ZNF813: variants seen among roughly 807,000 people sequenced by gnomAD.
ZNF813 encodes the protein zinc finger protein 813.
ZNF813 carries 3 observed loss-of-function variants against 7.2 expected under a neutral mutation model. The observed-to-expected ratio is 0.42, with a 90% CI of 0.19 to 1.08. The LOEUF is 1.08. ZNF813 is among the 50% of genes least tolerant of loss of function. The pLI is 0.30. For missense variants in ZNF813, 714 were observed against 753.3 expected (o/e 0.95, Z 0.61); for synonymous variants, 227 against 256.3 (o/e 0.89, Z 1.09).
At chr19:53,485,892 G>A (rs547780823) in intron 2 of ZNF813, among the ~76,000 whole-genome samples, 65 of 151,454 alleles carry the variant, frequency 4.3e-4, no homozygotes, top group Non-Finnish European at 6.6e-4. Context: ...TTTTGTTTTC[G>A]TTTGTTTGTT....
At chr19:53,474,582 G>A (rs2086373772) in intron 1 of ZNF813, among the ~76,000 whole-genome samples, 2 of 152,192 alleles carry the variant, frequency 1.3e-5, no homozygotes, top group South Asian at 2.1e-4. Context: ...CCAGCTACTG[G>A]GGAGGCTGAG....
intron 3 of ZNF813, among the ~76,000 whole-genome samples, chr19:53,487,442 G>A (rs549114208): frequency 1.3e-4 from 19 of 151,980 alleles, no homozygotes; most frequent in African/African-American, 4.6e-4. Flanking sequence ...GTCTCACTCT[G>A]TCGCCAAGGC....
intron 1 of ZNF813, among the ~76,000 whole-genome samples, chr19:53,472,971 G>C (rs1452605246): frequency 1.3e-5 from 2 of 152,058 alleles, no homozygotes; most frequent in African/African-American, 4.8e-5. Context: ...TGGTGCAGTA[G>C]AGTCTTAGTT....
intron 3 of ZNF813, 72 bp from the exon 4 acceptor site, chr19:53,490,303 C>A: frequency 7.7e-7 from 1 of 1,306,180 alleles, no homozygotes; most frequent in Non-Finnish European, 1.1e-6. Flanking sequence ...TTTTTTGTGT[C>A]ACATTTACAC....
rs746904170 is a variant in ZNF813 at position 53,490,871 on chromosome 19, G to T, written c.639G>T (p.Lys213Asn). The T allele has an allele frequency of 1.2e-6, 2 of 1,614,206 alleles. No individual in the cohort carries two copies. The highest frequency in any genetic ancestry group is 1.7e-6 in the Non-Finnish European group (2 of 1,180,022). Reference protein sequence around the residue: ...TQKQEVHMREKSFQCNESGKA... With the variant: ...TQKQEVHMRENSFQCNESGKA... ...AACAGGAGGTACACATGAGAGAAAAGTCTTTCCAATGTAATGAGAGTGGCA... is the reference window on the plus strand; with the variant it reads ...AACAGGAGGTACACATGAGAGAAAATTCTTTCCAATGTAATGAGAGTGGCA... Residue 213 changes from lysine to asparagine, a missense_variant, in exon 4 of 4, where the codon AAG becomes AAT. This residue lies in a region of ZNF813 where 563 missense variants were observed against 554.2 expected (regional missense o/e 1.02). Coordinates refer to ENST00000396403, the MANE Select transcript of ZNF813 (RefSeq NM_001004301.4).
chr19:53,481,274 T>C (rs1341043259), intron 1 of ZNF813, among the ~76,000 whole-genome samples: 2 of 151,772 alleles, frequency 1.3e-5, no homozygotes, highest in African/African-American at 2.4e-5. Context: ...TTTTATATTA[T>C]GTCAGACTAG....
intron 1 of ZNF813, among the ~76,000 whole-genome samples, chr19:53,474,657 C>T (rs1360474393): frequency 6.6e-6 from 1 of 151,866 alleles, no homozygotes; most frequent in Non-Finnish European, 1.5e-5. Context: ...CCACTGCACT[C>T]CAGCCTGGGT....
chr19:53,491,824 T>G lies in ZNF813; in HGVS notation c.1592T>G (p.Val531Gly), dbSNP rs111582892. Residue 531 changes from valine to glycine, a missense_variant, in exon 4 of 4, where the codon GTT (valine) becomes GGT (glycine). Physicochemically the swap from Val to Gly is moderately radical, Grantham distance 109. Transcript: ENST00000396403. The stretch of plus-strand genomic sequence containing the variant: ...TACAAGTGTAATGAATGTGGCAAGG[T>G]TTTTAATCGAAAAACACACCTTGCA... ...KPYKCNECGK[V>G]FNRKTHLAHH... 2.9e-5 allele frequency: 46 copies of G among 1,611,030 alleles called. No individual in the cohort carries two copies. Among genetic ancestry groups the G allele is most frequent in the African/African-American group, 8.1e-5 (6 of 74,084 alleles).
intron 2 of ZNF813, among the ~76,000 whole-genome samples, chr19:53,485,587 T>TGTATGTCATGACATATAC (rs571848662): frequency 1.4e-5 from 2 of 139,816 alleles, no homozygotes; most frequent in Admixed American, 7.1e-5. Context: ...TGTCATGACA[T>TGTATGTCATGACATATAC]ATGTATGTCA....
chr19:53,482,722 T>TTG (rs1555843299), intron 1 of ZNF813, among the ~76,000 whole-genome samples: 3 of 64,798 alleles, frequency 4.6e-5, no homozygotes, highest in African/African-American at 9.6e-5. Context: ...GTTTTTTTTT[T>TTG]TTTTTTTTTT....
chr19:53,491,122 A>G lies in ZNF813; in HGVS notation c.890A>G (p.Lys297Arg). 1.9e-6 allele frequency: 3 copies of G among 1,614,154 alleles called. No individual in the cohort carries two copies. Among genetic ancestry groups the G allele is most frequent in the Non-Finnish European group, 2.5e-6 (3 of 1,180,010 alleles). Residue 297 changes from lysine to arginine, a missense_variant, in exon 4 of 4, where the codon AAA becomes AGA. This residue lies in a region of ZNF813 where 563 missense variants were observed against 554.2 expected (regional missense o/e 1.02). Coordinates refer to ENST00000396403, the MANE Select transcript of ZNF813 (RefSeq NM_001004301.4). ...TCHRRLHTGE[K>R]PYKCEECDKA... ...CATCGTAGACTTCATACTGGAGAGA[A>G]ACCTTACAAATGTGAAGAATGTGAC...
chr19:53,477,310 T>G (rs888241170), intron 1 of ZNF813, among the ~76,000 whole-genome samples: 1 of 152,136 alleles, frequency 6.6e-6, no homozygotes, highest in African/African-American at 2.4e-5. Context: ...TATAGAGCCT[T>G]TCTGAACGCT....
At chr19:53,485,907 T>G (rs1299679623) in intron 2 of ZNF813, among the ~76,000 whole-genome samples, 1 of 152,020 alleles carries the variant, frequency 6.6e-6, no homozygotes, top group Non-Finnish European at 1.5e-5. Context: ...TTTGTTTGTT[T>G]GTGTGTTTGT....
chr19:53,483,960 T>C, intron 2 of ZNF813, 123 bp downstream of exon 2: 1 of 1,577,226 alleles, frequency 6.3e-7, no homozygotes, highest in Non-Finnish European at 8.7e-7. Flanking sequence ...CATTCACCCA[T>C]GCCTTCCCTC....
intron 1 of ZNF813, among the ~76,000 whole-genome samples, chr19:53,469,552 A>G (rs2147152468): frequency 6.6e-6 from 1 of 152,300 alleles, no homozygotes; most frequent in East Asian, 1.9e-4. Context: ...CGAAAGTGAA[A>G]AAAATATATA....
At chr19:53,476,510 T>C (rs1442279502) in intron 1 of ZNF813, among the ~76,000 whole-genome samples, 1 of 151,644 alleles carries the variant, frequency 6.6e-6, no homozygotes, top group Admixed American at 6.6e-5. Flanking sequence ...GCACCTGTAA[T>C]CCTAGCTACT....
chr19:53,476,980 C>T (rs1413785145), intron 1 of ZNF813, among the ~76,000 whole-genome samples: 2 of 152,106 alleles, frequency 1.3e-5, no homozygotes, highest in Non-Finnish European at 2.9e-5. Context: ...GTTTTTAAAC[C>T]TTTGTGGGAG....
intron 1 of ZNF813, chr19:53,479,301 G>A (rs1463136207): frequency 1.4e-5 from 22 of 1,561,948 alleles, no homozygotes; most frequent in Admixed American, 3.4e-5. Flanking sequence ...CTGCAATGCC[G>A]AATGGAGGAG....
Position 53,486,619 on chromosome 19 carries a change from G to A in ZNF813, c.16-13G>A, listed in dbSNP as rs1417216765. 1.2e-6 allele frequency: 2 copies of A among 1,613,944 alleles called. No homozygotes were observed. The highest frequency in any genetic ancestry group is 1.7e-6 in the Non-Finnish European group (2 of 1,179,904). Reference sequence around the variant, plus strand: ...TCCCATAACAATTTCCTTAAAATGTGTTTTCATTTCAGGGTCTATTGACAT... The same window carrying A: ...TCCCATAACAATTTCCTTAAAATGTATTTTCATTTCAGGGTCTATTGACAT... On this transcript the variant is annotated splice_polypyrimidine_tract_variant and intron_variant, in intron 2 of 3. Coordinates refer to ENST00000396403, the MANE Select transcript of ZNF813 (RefSeq NM_001004301.4).
Sources: gnomAD v4.1 joint callset for allele counts (sites outside exome capture counted in the v4.1 genomes callset) on GRCh38, gnomAD v4.1.1 for gene constraint, gnomAD v4.1.1 regional missense constraint, MANE v1.5 for transcripts, NCBI Gene and HGNC (gene_info 2026-07-23, HGNC 2026-07-21) for gene names.